The following ANO10 variants were observed in gnomAD, a reference collection of about 807,000 sequenced individuals.
ANO10 encodes anoctamin-10.
Under a neutral mutation model 74.7 loss-of-function variants are expected in ANO10, and 77 were observed. That is an observed-to-expected ratio of 1.03 (90% confidence interval 0.86 to 1.25). The LOEUF is 1.25. Among genes scored for constraint, ANO10 ranks in the 50% most tolerant of loss-of-function variants. ANO10 has a pLI of 0.00. For synonymous variants in ANO10, 279 were observed against 284.9 expected, an observed-to-expected ratio of 0.98 and a Z score of 0.21; for missense variants, 721 against 778.1, an observed-to-expected ratio of 0.93 and a Z score of 0.87.
intron 12 of ANO10, among the ~76,000 whole-genome samples, chr3:43,383,675 T>C (rs889128306): frequency 1.3e-5 from 2 of 151,912 alleles, no homozygotes; most frequent in Non-Finnish European, 1.5e-5. Context: ...AAAACAAAAA[T>C]CACATGATCA....
At chr3:43,619,032 C>A (rs986690379) in intron 1 of ANO10, among the ~76,000 whole-genome samples, 1 of 152,218 alleles carries the variant, frequency 6.6e-6, no homozygotes, top group Non-Finnish European at 1.5e-5. Flanking sequence ...TCTTGATCTC[C>A]TGACCTCGTG....
intron 7 of ANO10, among the ~76,000 whole-genome samples, chr3:43,567,170 A>G (rs1197431501): frequency 1.3e-5 from 2 of 152,202 alleles, no homozygotes; most frequent in Non-Finnish European, 2.9e-5. Context: ...CCTCCAAGAA[A>G]TATGGGACTA....
chr3:43,421,892 C>T (rs1343343381), intron 12 of ANO10, among the ~76,000 whole-genome samples: 1 of 152,078 alleles, frequency 6.6e-6, no homozygotes, highest in Non-Finnish European at 1.5e-5. Flanking sequence ...AAATCTCTAC[C>T]TCCCTCTTCA....
At chr3:43,464,767 T>C (rs994802193) in intron 11 of ANO10, among the ~76,000 whole-genome samples, 12 of 152,300 alleles carry the variant, frequency 7.9e-5, no homozygotes, top group East Asian at 7.7e-4. Flanking sequence ...TGATCCATCA[T>C]ATCAATATAT....
At chr3:43,587,649 G>A (rs868001056) in intron 4 of ANO10, among the ~76,000 whole-genome samples, 3 of 152,172 alleles carry the variant, frequency 2.0e-5, no homozygotes, top group African/African-American at 4.8e-5. Context: ...ATAGACTTTG[G>A]GGGTAGCAGC....
intron 12 of ANO10, among the ~76,000 whole-genome samples, chr3:43,388,372 A>AC (rs2092185608): frequency 6.6e-6 from 1 of 151,832 alleles, no homozygotes; most frequent in Admixed American, 6.6e-5. Context: ...TTATGCACAC[A>AC]CCCCAGCTGG....
chr3:43,561,144 A>G (rs939603449), intron 9 of ANO10, 76 bp downstream of exon 9: 5 of 1,492,578 alleles, frequency 3.3e-6, no homozygotes, highest in Non-Finnish European at 3.7e-6. Context: ...TCATGAATGT[A>G]TAACATTTGT....
intron 1 of ANO10, among the ~76,000 whole-genome samples, chr3:43,663,125 T>C (rs2083945891): frequency 6.6e-6 from 1 of 152,198 alleles, no homozygotes; most frequent in African/African-American, 2.4e-5. Context: ...CTGATGAACA[T>C]TGATGCGAAA....
Position 43,596,106 on chromosome 3 carries a change from T to C in ANO10, c.472+2426A>G, listed in dbSNP as rs189125420. 7.6e-4 allele frequency among the ~76,000 whole-genome samples: 115 copies of C among 152,066 alleles called. 1 individual carries two copies. Among genetic ancestry groups the C allele is most frequent in the African/African-American group, 2.7e-3 (111 of 41,486 alleles). On this transcript the variant is annotated intron_variant, in intron 4 of 12. Coordinates refer to ENST00000292246, the MANE Select transcript of ANO10 (RefSeq NM_018075.5). Reference sequence around the variant, plus strand: ...AATTACAAACCACTGCTCAATGAAATAAAAGGGGACACAAACAAATGGAAG... The same window carrying C: ...AATTACAAACCACTGCTCAATGAAACAAAAGGGGACACAAACAAATGGAAG...
chr3:43,485,816 C>A, intron 11 of ANO10: 1 of 277,758 alleles, frequency 3.6e-6, no homozygotes. Context: ...CAGTGTGTGG[C>A]ATTCCGGGGT....
In ANO10 at chr3:43,644,084, TTTTG is replaced by T. The variant is rs377459865; in HGVS notation, c.-11-38225_-11-38222del. Among the ~76,000 whole-genome samples, 1,351 of 152,168 alleles carry T rather than the reference TTTTG, an allele frequency of 8.9e-3. 18 individuals are homozygous for T. Among genetic ancestry groups the T allele is most frequent in the African/African-American group, 0.029 (1,211 of 41,460 alleles). Reference sequence around the variant, plus strand: ...AAGTTCACCAATCTTTCCCTGATTTTTTTGTTTGTTTGTTTGTTTGTTTGTTTTT... The same window carrying T: ...AAGTTCACCAATCTTTCCCTGATTTTTTTGTTTGTTTGTTTGTTTGTTTTT... On this transcript the variant is annotated intron_variant, in intron 1 of 3. Coordinates refer to the ANO10 transcript ENST00000413397.
chr3:43,541,172 T>A (rs949618045), intron 11 of ANO10, among the ~76,000 whole-genome samples: 6 of 152,376 alleles, frequency 3.9e-5, no homozygotes, highest in Admixed American at 2.0e-4. Context: ...TAGTTTGTTG[T>A]GGGCTCCTTT....
chr3:43,398,117 A>G (rs1178308412), intron 12 of ANO10, among the ~76,000 whole-genome samples: 1 of 152,266 alleles, frequency 6.6e-6, no homozygotes, highest in Non-Finnish European at 1.5e-5. Context: ...AAATAAAAAG[A>G]AGAGGACTCT....
chr3:43,526,846 C>T (rs1575344168), intron 11 of ANO10, among the ~76,000 whole-genome samples: 2 of 133,842 alleles, frequency 1.5e-5, no homozygotes, highest in East Asian at 2.5e-4. Context: ...TCAGTAACAG[C>T]AGAGGTCCCT....
intron 1 of ANO10, chr3:43,691,136 C>T: frequency 8.0e-7 from 1 of 1,249,154 alleles, no homozygotes; most frequent in Non-Finnish European, 1.0e-6. Flanking sequence ...GAGTCGCCGC[C>T]CGCCTGGCGA....
intron 8 of ANO10, among the ~76,000 whole-genome samples, chr3:43,563,304 A>T (rs1245809830): frequency 1.3e-5 from 2 of 152,210 alleles, no homozygotes; most frequent in Non-Finnish European, 2.9e-5. Context: ...ATTATTAAAA[A>T]GACCCAAAAA....
At chr3:43,568,074 A>G (rs1401608399) in intron 7 of ANO10, among the ~76,000 whole-genome samples, 2 of 152,152 alleles carry the variant, frequency 1.3e-5, no homozygotes, top group East Asian at 1.9e-4. Flanking sequence ...ACAAAGATCA[A>G]AAGAGACAAA....
chr3:43,376,524 T>C (rs1400122266), intron 12 of ANO10, among the ~76,000 whole-genome samples: 1 of 152,162 alleles, frequency 6.6e-6, no homozygotes, highest in African/African-American at 2.4e-5. Flanking sequence ...ATACGAAAGC[T>C]ACAATTACTT....
At chr3:43,390,535 CT>C (rs1325715766) in intron 12 of ANO10, among the ~76,000 whole-genome samples, 1 of 152,210 alleles carries the variant, frequency 6.6e-6, no homozygotes, top group Non-Finnish European at 1.5e-5. Context: ...ATGAAGCCTC[CT>C]TAGCCCGCCA....
Sources: gnomAD v4.1 joint callset for allele counts (sites outside exome capture counted in the v4.1 genomes callset) on GRCh38, gnomAD v4.1.1 for gene constraint, MANE v1.5 for transcripts, NCBI Gene and HGNC (gene_info 2026-07-23, HGNC 2026-07-21) for gene names.